Variants in ZFPM1 observed in about 807,000 individuals in gnomAD.
The protein encoded by ZFPM1 is zinc finger protein ZFPM1.
In ZFPM1, 28 loss-of-function variants were observed where a neutral mutation model predicts 46.3. The observed-to-expected ratio is 0.60, with a 90% CI of 0.45 to 0.83. ZFPM1 has a LOEUF of 0.83. Among genes scored for constraint, ZFPM1 ranks in the 40% least tolerant of loss-of-function variants. ZFPM1 has a pLI of 0.00. For synonymous variants in ZFPM1, 957 were observed against 675.9 expected (o/e 1.42, Z -6.45); for missense variants, 1,878 against 1,432.4 (o/e 1.31, Z -5.02).
In ZFPM1 at chr16:88,533,689, T is replaced by C. The variant is rs1352146144; in HGVS notation, c.1731T>C (p.Ala577=). ...TCTTCCCCGGGGCCCCCAAGGGCGC[T>C]ACGTGCTTCGAGTGCGAGATCACCT... The part of the protein sequence containing the change: ...TGLFPGAPKG[A]TCFECEITFS... The change falls in exon 10 of 10, where the codon GCT becomes GCC. Residue 577 remains alanine, a synonymous_variant. Coordinates refer to ENST00000319555, the MANE Select transcript of ZFPM1 (RefSeq NM_153813.3). 1 of 1,502,828 alleles carries C rather than the reference T, an allele frequency of 6.7e-7. No homozygotes were observed. The allele number at this position is 1,502,828 out of a possible 1,614,324, so 93.1% of individuals were successfully genotyped here.
At chr16:88,461,813 C>T (rs539303632) in intron 1 of ZFPM1, among the ~76,000 whole-genome samples, 113 of 152,286 alleles carry the variant, frequency 7.4e-4, no homozygotes, top group Non-Finnish European at 1.1e-3. Context: ...TCTTCTTGCC[C>T]GGAGATCTGA....
chr16:88,476,350 G>T (rs1431641295), intron 1 of ZFPM1, among the ~76,000 whole-genome samples: 1 of 152,212 alleles, frequency 6.6e-6, no homozygotes, highest in Non-Finnish European at 1.5e-5. Flanking sequence ...ATCAGCATTT[G>T]CTGGGTACCT....
chr16:88,480,012 G>A lies in ZFPM1; in HGVS notation c.41-5927G>A, dbSNP rs1461767524. On this transcript the variant is annotated intron_variant, in intron 1 of 9. Coordinates refer to ENST00000319555, the MANE Select transcript of ZFPM1 (RefSeq NM_153813.3). The surrounding 1 kb of genome is among the most constrained non-coding windows in gnomAD (Gnocchi z 4.9). ...CTCACATCTGCGCCCAGCGCCCACT[G>A]CCAACACCTGGCTGAGTCCTAACGC... 2.6e-5 allele frequency among the ~76,000 whole-genome samples: 4 copies of A among 151,812 alleles called. No homozygotes were observed. Among genetic ancestry groups the A allele is most frequent in the African/African-American group, 7.3e-5 (3 of 41,276 alleles).
intron 1 of ZFPM1, among the ~76,000 whole-genome samples, chr16:88,483,251 C>A (rs1909038685): frequency 6.6e-6 from 1 of 151,188 alleles, no homozygotes; most frequent in Admixed American, 6.6e-5. Context: ...TCCAGGACCC[C>A]CCATGGCTCC....
chr16:88,512,473 G>A (rs1268381425), intron 3 of ZFPM1, among the ~76,000 whole-genome samples: 4 of 152,250 alleles, frequency 2.6e-5, no homozygotes, highest in East Asian at 3.9e-4. Context: ...CTGAAAGGAA[G>A]TCGCAGCCAC....
intron 1 of ZFPM1, among the ~76,000 whole-genome samples, chr16:88,463,666 G>T (rs1471505648): frequency 2.0e-5 from 3 of 152,242 alleles, no homozygotes; most frequent in African/African-American, 7.2e-5. Flanking sequence ...AGATCTGGGC[G>T]GGGAAACCAC....
chr16:88,505,571 G>A (rs111688557), intron 3 of ZFPM1, among the ~76,000 whole-genome samples: 208 of 152,314 alleles, frequency 1.4e-3, no homozygotes, highest in Non-Finnish European at 1.9e-3. Context: ...GGCCGGCATC[G>A]CCCTCCGCAC....
intron 3 of ZFPM1, among the ~76,000 whole-genome samples, chr16:88,508,190 A>C (rs772496590): frequency 1.3e-5 from 2 of 152,148 alleles, no homozygotes; most frequent in African/African-American, 4.8e-5. Context: ...CCAGCTACTC[A>C]GGAGGCTGAG....
intron 1 of ZFPM1, among the ~76,000 whole-genome samples, chr16:88,456,439 G>T (rs1052106955): frequency 7.9e-5 from 12 of 152,278 alleles, no homozygotes; most frequent in East Asian, 3.9e-4. Context: ...AGACTGCTTT[G>T]GGGGAGGCCA....
intron 2 of ZFPM1, among the ~76,000 whole-genome samples, chr16:88,487,021 C>CATT (rs1202998371): frequency 6.6e-6 from 1 of 152,204 alleles, no homozygotes; most frequent in East Asian, 1.9e-4. Flanking sequence ...GGCACCTCCA[C>CATT]ATTCCCTGGG....
At chr16:88,453,119 A>T (rs1008408011), upstream of ZFPM1, among the ~76,000 whole-genome samples, 67 of 146,982 alleles carry the variant, frequency 4.6e-4, no homozygotes, top group African/African-American at 1.6e-3. Flanking sequence ...GAGCCAGAGC[A>T]ACGAAGAGCC....
At position 88,532,138 on chromosome 16, in the gene ZFPM1, A is replaced by G; in HGVS notation, c.849A>G (p.Lys283=). The G allele has an allele frequency of 6.2e-7, 1 of 1,612,624 alleles. No individual in the cohort carries two copies. The change falls in exon 7 of 10, where the codon AAA becomes AAG. Residue 283 remains lysine, a synonymous_variant. Coordinates refer to ENST00000319555, the MANE Select transcript of ZFPM1 (RefSeq NM_153813.3). The part of the protein sequence containing the change: ...PAAAATDEKP[K]ETYPNERVCP... ...CAGCCGCCACAGACGAGAAGCCCAA[A>G]GAGACCTACCCCAACGAGCGCGTCT...
chr16:88,451,945 C>T (rs896112401), upstream of ZFPM1, among the ~76,000 whole-genome samples: 4 of 152,162 alleles, frequency 2.6e-5, no homozygotes, highest in Non-Finnish European at 5.9e-5. Context: ...GAGGGTAAGC[C>T]CCCACTTCTC....
rs373970803 is a variant in ZFPM1 at position 88,532,510 on chromosome 16, T to A, written c.947-104T>A. ...GGTTTAAAGACCCTTCAGCACAGGG[T>A]CCCCCGGCACAGATCACGGCCCTGG... On this transcript the variant is annotated intron_variant, in intron 7 of 9. Coordinates refer to ENST00000319555, the MANE Select transcript of ZFPM1 (RefSeq NM_153813.3). The A allele has an allele frequency of 1.2e-3, 1,422 of 1,218,904 alleles. 2 individuals are homozygous for A. Among genetic ancestry groups the A allele is most frequent in the Middle Eastern group, 2.0e-3 (10 of 5,128 alleles). 75.5% of individuals were successfully genotyped at this position (1,218,904 alleles called of 1,614,324 possible).
chr16:88,534,917 TC>T lies in ZFPM1; in HGVS notation c.2961del (p.Thr988ProfsTer18). On this transcript the variant is annotated frameshift_variant, in exon 10 of 10. Transcript: ENST00000319555. LOFTEE classifies it high-confidence loss of function. Reference protein sequence around the residue: ...RLCNIKFSSLSTFIAHKKYYC... With the variant: ...RLCNIKFSSLXTFIAHKKYYC... ...TTGCAACATCAAGTTCAGCAGCCTG[TC>T]CACCTTCATCGCCCACAAGAAGTAT... 1 of 1,552,198 alleles carries T rather than the reference TC, an allele frequency of 6.4e-7. No homozygotes were observed. Among genetic ancestry groups the T allele is most frequent in the Non-Finnish European group, 8.7e-7 (1 of 1,151,254 alleles).
chr16:88,461,218 A>C (rs1244165452), intron 1 of ZFPM1, among the ~76,000 whole-genome samples: 1 of 73,928 alleles, frequency 1.4e-5, no homozygotes, highest in African/African-American at 5.9e-5. Context: ...CAGGGGCGGG[A>C]GGCCTGGTGA....
At chr16:88,463,605 T>C (rs1009881114) in intron 1 of ZFPM1, among the ~76,000 whole-genome samples, 4 of 152,262 alleles carry the variant, frequency 2.6e-5, no homozygotes, top group African/African-American at 9.6e-5. Context: ...ATGGGGAAAC[T>C]GACGCTTAGA....
In ZFPM1 at chr16:88,486,598, G is replaced by A. The variant is rs965117758; in HGVS notation, c.145+555G>A. Among the ~76,000 whole-genome samples the A allele has an allele frequency of 1.9e-4, 29 of 151,732 alleles. 2 individuals are homozygous for A. The highest frequency in any genetic ancestry group is 6.8e-4 in the African/African-American group (28 of 41,326). On this transcript the variant is annotated intron_variant, in intron 2 of 9. Coordinates refer to ENST00000319555, the MANE Select transcript of ZFPM1 (RefSeq NM_153813.3). ...GGTGCTAGGTGCACCATGGGCGCTGGGTGCACAGCAGATGGGTGCTGGGTG... is the reference window on the plus strand; with the variant it reads ...GGTGCTAGGTGCACCATGGGCGCTGAGTGCACAGCAGATGGGTGCTGGGTG...
chr16:88,461,242 G>A (rs1907870506), intron 1 of ZFPM1, among the ~76,000 whole-genome samples: 2 of 127,460 alleles, frequency 1.6e-5, no homozygotes, highest in Admixed American at 1.5e-4. Context: ...CCCAGGGGTG[G>A]GGCGGGAGGC....
Sources: allele counts gnomAD v4.1 joint callset (sites outside exome capture counted in the v4.1 genomes callset), GRCh38; gene constraint gnomAD v4.1.1; non-coding constraint Gnocchi (gnomAD v3.1); transcripts MANE v1.5; gene names NCBI Gene and HGNC (gene_info 2026-07-23, HGNC 2026-07-21).